The following CHN2 variants were observed in gnomAD, a reference collection of about 807,000 sequenced individuals.
CHN2 encodes chimerin 2, also known as beta-chimaerin.
CHN2 carries 35 observed loss-of-function variants against 56.3 expected under a neutral mutation model. That is an observed-to-expected ratio of 0.62 (90% confidence interval 0.47 to 0.82). CHN2 has a LOEUF of 0.82. CHN2 is among the 40% of genes least tolerant of loss of function. The probability of loss-of-function intolerance (pLI) is 0.00; values close to 1 mark genes in which losing one functional copy is unlikely to be tolerated. For missense variants in CHN2, 491 were observed against 580.5 expected (o/e 0.85, Z 1.58); for synonymous variants, 210 against 212.8 (o/e 0.99, Z 0.12).
chr7:29,375,832 T>C (rs529326003), intron 3 of CHN2, among the ~76,000 whole-genome samples: 25 of 152,318 alleles, frequency 1.6e-4, no homozygotes, highest in African/African-American at 5.5e-4. Context: ...CAGCCCCATA[T>C]TAAGTCTGCT....
At position 29,447,866 on chromosome 7, in the gene CHN2, C is replaced by T. The variant is rs190701778; in HGVS notation, c.577-32413C>T. ...CCAATAAAACTGATCTATTAACAAA[C>T]AGTAACAACCCTGGGTGCATATTAG... On this transcript the variant is annotated intron_variant, in intron 6 of 12. Coordinates refer to ENST00000222792, the MANE Select transcript of CHN2 (RefSeq NM_004067.4). Among the ~76,000 whole-genome samples, 13 of 152,254 alleles carry T rather than the reference C, an allele frequency of 8.5e-5. No homozygotes were observed. The East Asian group carries it at 2.5e-3, about 29-fold the overall frequency.
At chr7:29,316,334 C>T (rs1794952994) in intron 1 of CHN2, among the ~76,000 whole-genome samples, 1 of 152,180 alleles carries the variant, frequency 6.6e-6, no homozygotes, top group Non-Finnish European at 1.5e-5. Context: ...CTATAAACTT[C>T]CATACCTTTG....
intron 1 of CHN2, among the ~76,000 whole-genome samples, chr7:29,201,216 T>C (rs1784134272): frequency 6.6e-6 from 1 of 152,160 alleles, no homozygotes; most frequent in African/African-American, 2.4e-5. Context: ...TGGTAGTTGT[T>C]TCACAGATTC....
intron 3 of CHN2, among the ~76,000 whole-genome samples, chr7:29,370,662 G>T (rs1465179888): frequency 6.6e-6 from 1 of 152,052 alleles, no homozygotes; most frequent in African/African-American, 2.4e-5. Flanking sequence ...CCCAGATTAG[G>T]ACCTGCCAGT....
intron 1 of CHN2, among the ~76,000 whole-genome samples, chr7:29,349,476 G>A (rs1249742149): frequency 6.6e-6 from 1 of 152,096 alleles, no homozygotes; most frequent in African/African-American, 2.4e-5. Flanking sequence ...AGTTCCGGAG[G>A]CTATGCTCTC....
chr7:29,378,405 G>A (rs1420709778), intron 3 of CHN2, among the ~76,000 whole-genome samples: 1 of 152,192 alleles, frequency 6.6e-6, no homozygotes, highest in East Asian at 1.9e-4. Context: ...CCTGAAACTG[G>A]TTTTTGGAGA....
chr7:29,181,882 A>ATT (rs1264315476), intron 2 of CHN2, among the ~76,000 whole-genome samples: 2 of 152,146 alleles, frequency 1.3e-5, no homozygotes, highest in Non-Finnish European at 2.9e-5. Flanking sequence ...GTACCTAAGT[A>ATT]TTTATTCATG....
intron 2 of CHN2, among the ~76,000 whole-genome samples, chr7:29,149,577 G>A (rs1418641988): frequency 2.0e-5 from 3 of 152,162 alleles, no homozygotes; most frequent in African/African-American, 7.2e-5. Context: ...AGGAGTATGT[G>A]CTTTCCAGGG....
intron 1 of CHN2, among the ~76,000 whole-genome samples, chr7:29,236,247 A>G (rs1787189776): frequency 6.6e-6 from 1 of 152,232 alleles, no homozygotes; most frequent in African/African-American, 2.4e-5. Context: ...ATAAGTGTAT[A>G]CTGAGGCCAG....
chr7:29,443,517 G>A (rs1035798655), intron 6 of CHN2, among the ~76,000 whole-genome samples: 2 of 152,172 alleles, frequency 1.3e-5, no homozygotes, highest in African/African-American at 4.8e-5. Context: ...GACTATGTGT[G>A]TGTGTGTATA....
At chr7:29,412,676 TG>T (rs1322096411) in intron 6 of CHN2, among the ~76,000 whole-genome samples, 10 of 152,118 alleles carry the variant, frequency 6.6e-5, no homozygotes, top group Admixed American at 6.5e-4. Context: ...CAGCAACTTG[TG>T]ATATTTCCGG....
At chr7:29,480,237 G>A (rs202070994) in intron 6 of CHN2, 42 bp from the exon 7 acceptor site, 338 of 1,614,118 alleles carry the variant, frequency 2.1e-4, no homozygotes, top group Non-Finnish European at 2.7e-4. Flanking sequence ...TGTCAAAGGC[G>A]GCTTTCTTTG....
rs190772356 is a variant in CHN2, at chr7:29,410,966, C to A, written c.576+10138C>A. Among the ~76,000 whole-genome samples, 30 of 152,268 alleles carry A rather than the reference C, an allele frequency of 2.0e-4. No individual in the cohort carries two copies. In the East Asian group the frequency reaches 4.2e-3, roughly 22 times the overall value. Reference sequence around the variant, plus strand: ...TTACTCCCTAGCCACATTAAAAATTCCCCATTTCTACTTTTTATTAAAACA... The same window carrying A: ...TTACTCCCTAGCCACATTAAAAATTACCCATTTCTACTTTTTATTAAAACA... On this transcript the variant is annotated intron_variant, in intron 6 of 12. Transcript: ENST00000222792.
intron 1 of CHN2, among the ~76,000 whole-genome samples, chr7:29,348,440 A>G (rs1422402738): frequency 6.6e-6 from 1 of 152,008 alleles, no homozygotes. Context: ...CGGTCTTATT[A>G]CCCATTTTTT....
chr7:29,242,979 ATTAT>A (rs1182705151), intron 1 of CHN2, among the ~76,000 whole-genome samples: 4 of 151,886 alleles, frequency 2.6e-5, no homozygotes, highest in Admixed American at 1.3e-4. Context: ...TAATACCTTA[ATTAT>A]TTATATAATT....
chr7:29,173,947 C>T lies in CHN2; in HGVS notation c.274+26987C>T, dbSNP rs556248875. Among the ~76,000 whole-genome samples, 269 of 147,260 alleles carry T rather than the reference C, an allele frequency of 1.8e-3. 1 individual carries two copies. Among genetic ancestry groups the T allele is most frequent in the African/African-American group, 6.3e-3 (252 of 39,856 alleles). On this transcript the variant is annotated intron_variant, in intron 2 of 6. Coordinates refer to the CHN2 transcript ENST00000439384. The stretch of plus-strand genomic sequence containing the variant: ...AGCCTGGGTGACAGAGGGAGACTGA[C>T]TCAAAAAAAAAAAAAAGAATTTCTA...
chr7:29,465,328 C>T (rs984676309), intron 6 of CHN2, among the ~76,000 whole-genome samples: 6 of 152,192 alleles, frequency 3.9e-5, no homozygotes, highest in African/African-American at 1.2e-4. Flanking sequence ...TCAACACCTT[C>T]TTAAGATTAT....
At chr7:29,248,058 AG>A in intron 1 of CHN2, among the ~76,000 whole-genome samples, 1 of 152,180 alleles carries the variant, frequency 6.6e-6, no homozygotes, top group Non-Finnish European at 1.5e-5. Flanking sequence ...GGAGGGCTGG[AG>A]GGCGTCTGGG....
intron 2 of CHN2, among the ~76,000 whole-genome samples, chr7:29,175,421 C>T (rs1028349528): frequency 6.6e-6 from 1 of 152,096 alleles, no homozygotes; most frequent in Non-Finnish European, 1.5e-5. Flanking sequence ...GGTTTTCTGC[C>T]CGCCTCGGCC....
Sources: allele counts gnomAD v4.1 joint callset (sites outside exome capture counted in the v4.1 genomes callset), GRCh38; gene constraint gnomAD v4.1.1; transcripts MANE v1.5; gene names NCBI Gene and HGNC (gene_info 2026-07-23, HGNC 2026-07-21).